ZNF469: variants seen among roughly 807,000 people sequenced by gnomAD.
ZNF469 encodes zinc finger protein 469.
A neutral mutation model predicts 1.0 loss-of-function variants in ZNF469; 1 was observed. The observed-to-expected ratio is 1.00, with a 90% CI of 0.35 to 4.73. The LOEUF is 4.73. ZNF469 is among the 30% of genes most tolerant of loss of function. ZNF469 has a pLI of 0.16. For missense variants in ZNF469, 6,100 were observed against 5,356.3 expected, an observed-to-expected ratio of 1.14 and a Z score of -4.33; for synonymous variants, 2,703 against 2,363.4, an observed-to-expected ratio of 1.14 and a Z score of -4.17.
At chr16:88,328,961 C>G in the ZNF469 span, among the ~76,000 whole-genome samples, 4 of 152,182 alleles carry the variant, frequency 2.6e-5, no homozygotes, top group African/African-American at 9.7e-5. Context: ...GGTCAGGGCC[C>G]TAAATGTTCT....
the ZNF469 span, among the ~76,000 whole-genome samples, chr16:88,189,977 TG>T: frequency 6.6e-6 from 1 of 152,200 alleles, no homozygotes; most frequent in Admixed American, 6.5e-5. The surrounding 1 kb of genome is among the most constrained non-coding windows in gnomAD (Gnocchi z 4.3). Flanking sequence ...AACCAGACTC[TG>T]GGGAACTTTC....
At chr16:88,421,067 G>A (rs1423623914) in intron 1 of ZNF469, among the ~76,000 whole-genome samples, 5 of 152,196 alleles carry the variant, frequency 3.3e-5, no homozygotes, top group Non-Finnish European at 7.4e-5. Context: ...CCTGGCTCTC[G>A]AGGGTGCACA....
chr16:88,265,947 G>T, the ZNF469 span, among the ~76,000 whole-genome samples: 2 of 152,356 alleles, frequency 1.3e-5, no homozygotes, highest in Non-Finnish European at 2.9e-5. Flanking sequence ...AGGCCCAGAG[G>T]GGGTGGGATT....
chr16:88,192,613 C>T, the ZNF469 span, among the ~76,000 whole-genome samples: 2 of 152,252 alleles, frequency 1.3e-5, no homozygotes, highest in Admixed American at 6.5e-5. Context: ...CCAAGTCACA[C>T]ATGATGAGGA....
the ZNF469 span, among the ~76,000 whole-genome samples, chr16:88,268,513 T>C: frequency 4.1e-4 from 63 of 152,342 alleles, no homozygotes; most frequent in African/African-American, 1.3e-3. Flanking sequence ...CTGAGTATTT[T>C]GTGGACTGTC....
chr16:88,231,053 G>C, the ZNF469 span, among the ~76,000 whole-genome samples: 3 of 152,126 alleles, frequency 2.0e-5, no homozygotes, highest in South Asian at 6.2e-4. This position sits in a 1 kb window ranked among gnomAD's most constrained non-coding sequence, Gnocchi z 4.5. Flanking sequence ...CCAGCCGCAC[G>C]TGCCCTCCCC....
chr16:88,169,194 C>T, the ZNF469 span, among the ~76,000 whole-genome samples: 1 of 152,246 alleles, frequency 6.6e-6, no homozygotes, highest in African/African-American at 2.4e-5. The surrounding 1 kb of genome is among the most constrained non-coding windows in gnomAD (Gnocchi z 6.1). Context: ...GATGAGGTGA[C>T]GTTGGTACAG....
At chr16:88,150,952 G>A in the ZNF469 span, among the ~76,000 whole-genome samples, 4 of 152,256 alleles carry the variant, frequency 2.6e-5, no homozygotes, top group African/African-American at 9.6e-5. Flanking sequence ...AAGGGGTTTC[G>A]AGCCATGGAG....
chr16:88,344,334 G>A, the ZNF469 span, among the ~76,000 whole-genome samples: 5 of 152,224 alleles, frequency 3.3e-5, no homozygotes, highest in Non-Finnish European at 7.3e-5. Flanking sequence ...GTTCTTGCTG[G>A]TGTCCACAGT....
the ZNF469 span, among the ~76,000 whole-genome samples, chr16:88,360,918 G>T: frequency 3.3e-5 from 5 of 152,172 alleles, no homozygotes; most frequent in Admixed American, 3.3e-4. Flanking sequence ...ATGGACAAGG[G>T]GTGAGGAGGA....
chr16:88,404,149 C>A (rs972007474), intron 1 of ZNF469, among the ~76,000 whole-genome samples: 1 of 151,216 alleles, frequency 6.6e-6, no homozygotes, highest in African/African-American at 2.4e-5. Flanking sequence ...TAAACATATA[C>A]AAGAGCAGCG....
At position 88,429,242 on chromosome 16, in the gene ZNF469, C is replaced by A. The variant is rs1278717128; in HGVS notation, c.1772C>A (p.Ser591Tyr). The stretch of plus-strand genomic sequence containing the variant: ...GTAGTGGGAGCCTCCCCCAGCGAGT[C>A]CCCACTGCCGTCACCGGCCACCAAC... ...PRVVGASPSE[S>Y]PLPSPATNTA... Residue 591 changes from serine (S) to tyrosine (Y), a missense_variant, in exon 3 of 3, where the codon TCC becomes TAC. Transcript: ENST00000565624. The A allele has an allele frequency of 6.5e-7, 1 of 1,549,784 alleles. No individual in the cohort carries two copies. Among genetic ancestry groups the A allele is most frequent in the East Asian group, 2.4e-5 (1 of 40,904 alleles).
chr16:88,297,021 G>A, the ZNF469 span, among the ~76,000 whole-genome samples: 5 of 152,320 alleles, frequency 3.3e-5, no homozygotes, highest in Middle Eastern at 3.4e-3. Flanking sequence ...GTGGGTCCTC[G>A]TCTCCCAAAC....
chr16:88,255,356 T>C, the ZNF469 span, among the ~76,000 whole-genome samples: 1 of 152,172 alleles, frequency 6.6e-6, no homozygotes. Flanking sequence ...CCAGGTATTT[T>C]CTACATGCTT....
chr16:88,157,387 A>G, the ZNF469 span, among the ~76,000 whole-genome samples: 2 of 152,148 alleles, frequency 1.3e-5, no homozygotes, highest in Non-Finnish European at 2.9e-5. Context: ...CTCCTACTCC[A>G]GGAATCCATT....
At chr16:88,123,200 T>A in the ZNF469 span, among the ~76,000 whole-genome samples, 1 of 152,190 alleles carries the variant, frequency 6.6e-6, no homozygotes, top group African/African-American at 2.4e-5. Context: ...CCAACCCGTC[T>A]GCTTTCCCTT....
At position 88,433,350 on chromosome 16, in the gene ZNF469, G is replaced by A. The variant is rs1467008543; in HGVS notation, c.5880G>A (p.Gly1960=). 3.8e-5 allele frequency: 59 copies of A among 1,550,188 alleles called. No individual in the cohort carries two copies. Among genetic ancestry groups the A allele is most frequent in the Non-Finnish European group, 4.9e-5 (56 of 1,146,940 alleles). The change falls in exon 3 of 3, where the codon GGG becomes GGA. Residue 1960 remains glycine (G), a synonymous_variant. Transcript: ENST00000565624. ...VACGPAQGSP[G]GVQVTTLPAV... ...GTGGCCCCGCCCAGGGCTCCCCAGG[G>A]GGTGTGCAGGTGACAACTCTCCCTG...
At chr16:88,358,921 C>T in the ZNF469 span, among the ~76,000 whole-genome samples, 1 of 152,130 alleles carries the variant, frequency 6.6e-6, no homozygotes, top group Non-Finnish European at 1.5e-5. Flanking sequence ...CCTTGGTGGA[C>T]ACCTGGGATG....
chr16:88,125,788 A>T, the ZNF469 span, among the ~76,000 whole-genome samples: 2 of 152,240 alleles, frequency 1.3e-5, no homozygotes, highest in African/African-American at 4.8e-5. Flanking sequence ...GGTATTTTTT[A>T]AAAATTTAAA....
Sources: allele counts gnomAD v4.1 joint callset (sites outside exome capture counted in the v4.1 genomes callset), GRCh38; gene constraint gnomAD v4.1.1; non-coding constraint Gnocchi (gnomAD v3.1); transcripts MANE v1.5; gene names NCBI Gene and HGNC (gene_info 2026-07-23, HGNC 2026-07-21).